MTCL1: variants seen among roughly 807,000 people sequenced by gnomAD.
The protein encoded by MTCL1 is microtubule crosslinking factor 1, also known as microtubule cross-linking factor 1.
A neutral mutation model predicts 141.4 loss-of-function variants in MTCL1; 79 were observed. The observed-to-expected ratio is 0.56, with a 90% CI of 0.47 to 0.67. The LOEUF (loss-of-function observed/expected upper bound fraction) is 0.67. Ranked by LOEUF, MTCL1 falls within the 30% of genes least tolerant of loss-of-function variation. The pLI is 0.00. For synonymous variants in MTCL1, 914 were observed against 875.8 expected, an observed-to-expected ratio of 1.04 and a Z score of -0.77; for missense variants, 2,177 against 2,113.9, an observed-to-expected ratio of 1.03 and a Z score of -0.59.
At chr18:8,734,449 G>A (rs1039120289) in intron 4 of MTCL1, among the ~76,000 whole-genome samples, 3 of 152,038 alleles carry the variant, frequency 2.0e-5, no homozygotes, top group African/African-American at 7.3e-5. Flanking sequence ...AGCCATCCCC[G>A]TGAAGTCTCC....
upstream of MTCL1, among the ~76,000 whole-genome samples, chr18:8,715,509 T>C: frequency 6.6e-6 from 1 of 152,236 alleles, no homozygotes; most frequent in South Asian, 2.1e-4. Context: ...CATATACATA[T>C]ACAGATATTG....
chr18:8,725,744 A>C (rs1173056561), intron 4 of MTCL1, among the ~76,000 whole-genome samples: 3 of 148,542 alleles, frequency 2.0e-5, no homozygotes, highest in Admixed American at 1.3e-4. Context: ...GTAATTTGTC[A>C]AACTTTGCGT....
At chr18:8,829,652 A>G in intron 16 of MTCL1, 3 of 985,290 alleles carry the variant, frequency 3.0e-6, no homozygotes, top group Non-Finnish European at 3.6e-6. Context: ...CACCCACCTC[A>G]TCCACTGGCC....
intron 4 of MTCL1, among the ~76,000 whole-genome samples, chr18:8,751,929 G>A (rs909816707): frequency 2.0e-5 from 3 of 152,196 alleles, no homozygotes; most frequent in Admixed American, 6.5e-5. Flanking sequence ...AGGCCAAGCT[G>A]CTGCAGACTG....
At position 8,830,100 on chromosome 18, in the gene MTCL1, A is replaced by T. The variant is rs2077150561; in HGVS notation, c.*18+1136A>T. ...ACTACTTCTATAACAAGGGGAGCGC[A>T]GACACAAAACACACAGATTTCCCAA... On this transcript the variant is annotated intron_variant, in intron 16 of 16. Transcript: ENST00000359865. The surrounding 1 kb of genome is among the most constrained non-coding windows in gnomAD (Gnocchi z 6.4). 1.0e-6 allele frequency: 1 copy of T among 985,386 alleles called. No individual in the cohort carries two copies. Among genetic ancestry groups the T allele is most frequent in the Non-Finnish European group, 1.2e-6 (1 of 830,042 alleles). 61.0% of individuals were successfully genotyped at this position (985,386 alleles called of 1,614,324 possible). A position where few individuals can be genotyped will look rare whatever the true frequency, so the allele number is the denominator to read the frequency against.
chr18:8,773,384 A>G (rs1019732096), intron 4 of MTCL1, among the ~76,000 whole-genome samples: 5 of 152,054 alleles, frequency 3.3e-5, no homozygotes, highest in Non-Finnish European at 7.4e-5. Context: ...TCTTGTTTTA[A>G]TTGTCAGTAA....
chr18:8,826,508 C>T (rs552849671), intron 15 of MTCL1, among the ~76,000 whole-genome samples: 1 of 152,186 alleles, frequency 6.6e-6, no homozygotes, highest in African/African-American at 2.4e-5. Flanking sequence ...AGTGATTGAT[C>T]CTTATTTATC....
At chr18:8,760,504 A>G (rs2096426479) in intron 4 of MTCL1, among the ~76,000 whole-genome samples, 2 of 152,210 alleles carry the variant, frequency 1.3e-5, no homozygotes, top group Non-Finnish European at 2.9e-5. Context: ...GGCCCCACTC[A>G]CCTGCTAGGA....
chr18:8,749,900 A>C (rs563896351), intron 4 of MTCL1, among the ~76,000 whole-genome samples: 1 of 152,264 alleles, frequency 6.6e-6, no homozygotes, highest in Non-Finnish European at 1.5e-5. Context: ...TTTCAGTAAA[A>C]TAAAGCTTTG....
At position 8,798,266 on chromosome 18, in the gene MTCL1, C is replaced by T. The variant is rs763687681; in HGVS notation, c.2411C>T (p.Ala804Val). 25 of 1,565,452 alleles carry T rather than the reference C, an allele frequency of 1.6e-5. No homozygotes were observed. Among genetic ancestry groups the T allele is most frequent in the South Asian group, 2.4e-5 (2 of 84,552 alleles). Residue 804 changes from alanine (A) to valine (V), a missense_variant, in exon 10 of 17, where the codon GCG (alanine) becomes GTG (valine). By Grantham distance (64) the Ala-to-Val change is moderately conservative. Transcript: ENST00000359865. The stretch of plus-strand genomic sequence containing the variant: ...GATCACAGCTTGCGGCTGCAGACCG[C>T]GGACAGGGGACAGCCCCACAAACAG...
intron 1 of MTCL1, among the ~76,000 whole-genome samples, chr18:8,711,128 G>A (rs1409034628): frequency 1.4e-5 from 2 of 139,800 alleles, no homozygotes; most frequent in African/African-American, 5.1e-5. Flanking sequence ...CTATGAGTGA[G>A]AATATGCGGT....
At chr18:8,721,409 C>G (rs1167676869) in intron 4 of MTCL1, among the ~76,000 whole-genome samples, 1 of 152,108 alleles carries the variant, frequency 6.6e-6, no homozygotes, top group African/African-American at 2.4e-5. Flanking sequence ...AGGCCCTGCT[C>G]TCAAGGCGCC....
chr18:8,793,185 C>A, intron 8 of MTCL1, 65 bp downstream of exon 7: 1 of 1,590,688 alleles, frequency 6.3e-7, no homozygotes, highest in East Asian at 2.3e-5. Flanking sequence ...AGGAGAAATG[C>A]CACGATACAT....
intron 4 of MTCL1, among the ~76,000 whole-genome samples, chr18:8,725,437 A>G (rs1466901509): frequency 3.3e-5 from 5 of 152,212 alleles, no homozygotes; most frequent in African/African-American, 1.2e-4. Flanking sequence ...TGAAGACTTC[A>G]ATTGTAACCC....
At chr18:8,743,455 G>A (rs2096316184) in intron 4 of MTCL1, among the ~76,000 whole-genome samples, 1 of 152,200 alleles carries the variant, frequency 6.6e-6, no homozygotes, top group Admixed American at 6.5e-5. Context: ...CAAATGTAGT[G>A]GCTTAAAACG....
exon 15 of MTCL1, chr18:8,824,725 A>G: frequency 1.2e-6 from 2 of 1,613,416 alleles, no homozygotes; most frequent in Non-Finnish European, 1.7e-6. Flanking sequence ...TCCATGTCTG[A>G]GTTCCAGCGT....
At chr18:8,825,938 A>G (rs2077009333) in exon 15 of MTCL1, 3 of 1,604,670 alleles carry the variant, frequency 1.9e-6, no homozygotes, top group Non-Finnish European at 2.6e-6. Context: ...CAGAGCCCCG[A>G]CCAGAGCTGG....
chr18:8,706,293 C>T (rs1353430269), exon 1 of MTCL1: 2 of 1,229,962 alleles, frequency 1.6e-6, no homozygotes, highest in East Asian at 3.2e-5. Flanking sequence ...GCAGCTCCGA[C>T]CTCTCTGACT....
At chr18:8,783,999 A>G (rs2096541628) in exon 6 of MTCL1, 4 of 1,613,712 alleles carry the variant, frequency 2.5e-6, no homozygotes, top group Non-Finnish European at 3.4e-6. Flanking sequence ...TCCGAGATCG[A>G]AGACCACAAC....
Sources: allele counts gnomAD v4.1 joint callset (sites outside exome capture counted in the v4.1 genomes callset), GRCh38; gene constraint gnomAD v4.1.1; non-coding constraint Gnocchi (gnomAD v3.1); transcripts MANE v1.5; gene names NCBI Gene and HGNC (gene_info 2026-07-23, HGNC 2026-07-21).